Variants in MSRA observed in about 807,000 individuals in gnomAD.
The protein encoded by MSRA is mitochondrial peptide methionine sulfoxide reductase.
Under a neutral mutation model 31.3 loss-of-function variants are expected in MSRA, and 54 were observed. That is an observed-to-expected ratio of 1.73 (90% CI 1.39 to 2.17). MSRA has a LOEUF of 2.17. Among genes scored for constraint, MSRA ranks in the 30% most tolerant of loss-of-function variants. The pLI, the probability that MSRA is intolerant of heterozygous loss-of-function variation, is 0.00. For synonymous variants in MSRA, 169 were observed against 116.5 expected, an observed-to-expected ratio of 1.45 and a Z score of -2.90; for missense variants, 507 against 300.9, an observed-to-expected ratio of 1.69 and a Z score of -5.07.
rs145142741 is a variant in MSRA at position 10,148,101 on chromosome 8, C to T, written c.143-59732C>T. Among the ~76,000 whole-genome samples the T allele has an allele frequency of 5.7e-3, 862 of 152,218 alleles. 2 individuals are homozygous for T. Among genetic ancestry groups the T allele is most frequent in the Middle Eastern group, 0.034 (10 of 294 alleles). On this transcript the variant is annotated intron_variant, in intron 1 of 5. Coordinates refer to ENST00000317173, the MANE Select transcript of MSRA (RefSeq NM_012331.5). ...AAAGCGAGCACTCGGAGGCAGTGGG[C>T]AGAAAGGGCTCCTCTCGGCTCTGCA...
At position 10,062,435 on chromosome 8, in the gene MSRA, A is replaced by T. The variant is rs554035879; in HGVS notation, c.142+7777A>T. Among the ~76,000 whole-genome samples, 4 of 152,300 alleles carry T rather than the reference A, an allele frequency of 2.6e-5. No homozygotes were observed. The South Asian group carries it at 8.3e-4, about 32-fold the overall frequency. Reference sequence around the variant, plus strand: ...TTTGAGAGCATCACAATATTCATCGATATGTAGCACTACACAATGAACTGA... The same window carrying T: ...TTTGAGAGCATCACAATATTCATCGTTATGTAGCACTACACAATGAACTGA... On this transcript the variant is annotated intron_variant, in intron 1 of 5. Transcript: ENST00000317173.
intron 3 of MSRA, among the ~76,000 whole-genome samples, chr8:10,272,485 T>A (rs946562491): frequency 6.6e-6 from 1 of 152,222 alleles, no homozygotes; most frequent in Non-Finnish European, 1.5e-5. Flanking sequence ...TTTTGTTCTA[T>A]TCAGGCCTTC....
intron 1 of MSRA, among the ~76,000 whole-genome samples, chr8:10,068,747 G>C (rs1797584929): frequency 6.6e-6 from 1 of 152,100 alleles, no homozygotes; most frequent in Non-Finnish European, 1.5e-5. Context: ...CTTTAATATT[G>C]AGTTAGCTAT....
intron 5 of MSRA, among the ~76,000 whole-genome samples, chr8:10,355,438 G>T (rs981268260): frequency 6.6e-6 from 1 of 152,196 alleles, no homozygotes; most frequent in African/African-American, 2.4e-5. Flanking sequence ...CAAAAAGAAC[G>T]ATGTGTCGGA....
Position 10,428,361 on chromosome 8 carries a change from A to T in MSRA, c.*49A>T, listed in dbSNP as rs376761686. On this transcript the variant is annotated 3_prime_UTR_variant, in exon 6 of 6. Coordinates refer to ENST00000317173, the MANE Select transcript of MSRA (RefSeq NM_012331.5). ...TGAGGTTCCAGTAAAAATGCTTTCA[A>T]CAAATTGGGCAATGCTTGTGTGATT... 76 of 1,585,656 alleles carry T rather than the reference A, an allele frequency of 4.8e-5. No homozygotes were observed. The highest frequency in any genetic ancestry group is 6.0e-5 in the Non-Finnish European group (70 of 1,160,128).
At chr8:10,343,135 T>C (rs1354000599) in intron 5 of MSRA, among the ~76,000 whole-genome samples, 1 of 151,896 alleles carries the variant, frequency 6.6e-6, no homozygotes, top group Non-Finnish European at 1.5e-5. Context: ...CAGTCACTAC[T>C]TCTAGAAATC....
chr8:10,316,530 CTCTCTCTCTCT>C (rs1801729158), intron 4 of MSRA, among the ~76,000 whole-genome samples: 1 of 19,420 alleles, frequency 5.1e-5, no homozygotes, highest in African/African-American at 2.6e-4. Flanking sequence ...GATGATCCCT[CTCTCTCTCTCT>C]CTCTCTCTCT....
intron 3 of MSRA, among the ~76,000 whole-genome samples, chr8:10,279,146 T>C (rs2129105936): frequency 6.6e-6 from 1 of 152,348 alleles, no homozygotes; most frequent in African/African-American, 2.4e-5. Context: ...GCGTATCTGC[T>C]GGAGCCTCTG....
chr8:10,084,532 A>G (rs1165365937), intron 1 of MSRA, among the ~76,000 whole-genome samples: 1 of 152,218 alleles, frequency 6.6e-6, no homozygotes, highest in Non-Finnish European at 1.5e-5. Flanking sequence ...CTGGAGACAG[A>G]CTACCTGGGT....
Position 10,123,192 on chromosome 8 carries a change from T to C in MSRA, c.142+68534T>C, listed in dbSNP as rs879925297. ...TTCACAATCTCACCAGCATCTGTTA[T>C]GTTTTGACTTTTTAGTAATAGCCAT... is the stretch of plus-strand genomic sequence containing the variant. On this transcript the variant is annotated intron_variant, in intron 1 of 5. Coordinates refer to ENST00000317173, the MANE Select transcript of MSRA (RefSeq NM_012331.5). Among the ~76,000 whole-genome samples the C allele has an allele frequency of 4.6e-5, 7 of 152,364 alleles. No individual in the cohort carries two copies. The South Asian group carries it at 1.0e-3, about 23-fold the overall frequency.
At chr8:10,084,716 C>A (rs1323832321) in intron 1 of MSRA, among the ~76,000 whole-genome samples, 1 of 152,110 alleles carries the variant, frequency 6.6e-6, no homozygotes, top group Admixed American at 6.5e-5. Flanking sequence ...GAAGGAGAAG[C>A]GTTTAGAACA....
At chr8:10,353,627 T>C (rs771936482) in intron 5 of MSRA, 2 of 456,248 alleles carry the variant, frequency 4.4e-6, no homozygotes, top group Admixed American at 2.3e-5. Flanking sequence ...TACCCAAGCA[T>C]GTTCACTGGA....
intron 5 of MSRA, among the ~76,000 whole-genome samples, chr8:10,336,450 TC>T (rs1207823983): frequency 1.1e-4 from 16 of 151,942 alleles, no homozygotes; most frequent in Middle Eastern, 3.4e-3. Flanking sequence ...TTTTTTTTTT[TC>T]ATTTTCATTT....
intron 1 of MSRA, among the ~76,000 whole-genome samples, chr8:10,194,738 G>C (rs921014994): frequency 8.5e-5 from 13 of 152,072 alleles, no homozygotes; most frequent in Non-Finnish European, 1.3e-4. Context: ...CATTTGTCCT[G>C]GGACTGGATG....
At chr8:10,209,744 AC>A (rs1809311279) in intron 2 of MSRA, among the ~76,000 whole-genome samples, 1 of 152,118 alleles carries the variant, frequency 6.6e-6, no homozygotes, top group South Asian at 2.1e-4. Context: ...TTTACCTCTT[AC>A]GCCTTCAGGA....
Position 10,389,864 on chromosome 8 carries a change from G to A in MSRA, c.544-38284G>A, listed in dbSNP as rs180778159. Among the ~76,000 whole-genome samples the A allele has an allele frequency of 2.3e-3, 317 of 137,084 alleles. 1 individual carries two copies. Among genetic ancestry groups the A allele is most frequent in the Non-Finnish European group, 3.7e-3 (245 of 65,914 alleles). The allele number at this position is 137,084 out of a possible 152,430, so 89.9% of individuals were successfully genotyped here. A position where few individuals can be genotyped will look rare whatever the true frequency, so the allele number is the denominator to read the frequency against. On this transcript the variant is annotated intron_variant, in intron 5 of 5. Coordinates refer to ENST00000317173, the MANE Select transcript of MSRA (RefSeq NM_012331.5). Reference sequence around the variant, plus strand: ...CCATTGTATACAACCACACACTGTTGCCTGAAATGCAAGGTCATTCACAGA... The same window carrying A: ...CCATTGTATACAACCACACACTGTTACCTGAAATGCAAGGTCATTCACAGA...
intron 4 of MSRA, among the ~76,000 whole-genome samples, chr8:10,316,345 C>T (rs1299897772): frequency 6.6e-6 from 1 of 152,108 alleles, no homozygotes; most frequent in East Asian, 1.9e-4. Flanking sequence ...AGGCAACCAG[C>T]CTCTCTCTGA....
intron 1 of MSRA, among the ~76,000 whole-genome samples, chr8:10,172,342 A>G (rs368339683): frequency 1.3e-4 from 20 of 152,310 alleles, no homozygotes; most frequent in African/African-American, 4.6e-4. Flanking sequence ...GGCAAAAGCC[A>G]GAAAAGATGG....
chr8:10,283,836 T>TATACACACACACACACACACACAC (rs1261287031), intron 3 of MSRA, among the ~76,000 whole-genome samples: 3 of 53,166 alleles, frequency 5.6e-5, no homozygotes, highest in Non-Finnish European at 6.4e-5. Flanking sequence ...TATATATATA[T>TATACACACACACACACACACACAC]ACACACACAC....
Sources: gnomAD v4.1 joint callset for allele counts (sites outside exome capture counted in the v4.1 genomes callset) on GRCh38, gnomAD v4.1.1 for gene constraint, MANE v1.5 for transcripts, NCBI Gene and HGNC (gene_info 2026-07-23, HGNC 2026-07-21) for gene names.